Variants in NBAS observed in about 807,000 individuals in gnomAD.
NBAS encodes the protein NBAS subunit of NRZ tethering complex, also known as NAG/BC035112 fusion.
Under a neutral mutation model 302.5 loss-of-function variants are expected in NBAS, and 219 were observed. The observed-to-expected ratio is 0.72, with a 90% CI of 0.65 to 0.81. The LOEUF (loss-of-function observed/expected upper bound fraction) is 0.81, where lower values mean the gene tolerates loss of function less well. Among genes scored for constraint, NBAS ranks in the 30% least tolerant of loss-of-function variants. The pLI is 0.00. For synonymous variants in NBAS, 1,118 were observed against 1,021.6 expected (o/e 1.09, Z -1.80); for missense variants, 2,932 against 2,841.6 (o/e 1.03, Z -0.72).
In NBAS at chr2:15,179,267, G is replaced by T. The variant is rs1558413329; in HGVS notation, c.6712-151C>A. ...GTACCGCACTGGATATACTGAATAT[G>T]GGCGTTGGTACCTGCTTCACTTGGT... On this transcript the variant is annotated intron_variant, in intron 50 of 51. Transcript: ENST00000281513. 4.4e-6 allele frequency: 5 copies of T among 1,141,508 alleles called. No homozygotes were observed. In the East Asian group the frequency reaches 1.0e-4, roughly 24 times the overall value. 70.7% of individuals were successfully genotyped at this position (1,141,508 alleles called of 1,614,324 possible). A position where few individuals can be genotyped will look rare whatever the true frequency, so the allele number is the denominator to read the frequency against.
chr2:14,943,279 C>A, the NBAS span, among the ~76,000 whole-genome samples: 1 of 152,226 alleles, frequency 6.6e-6, no homozygotes, highest in South Asian at 2.1e-4. Flanking sequence ...CACTTTATCC[C>A]CTTAATTCCA....
the NBAS span, among the ~76,000 whole-genome samples, chr2:15,005,395 G>C: frequency 6.6e-6 from 1 of 152,192 alleles, no homozygotes; most frequent in Admixed American, 6.5e-5. Flanking sequence ...ATTTGGAAGA[G>C]CGATTCATTT....
intron 38 of NBAS, among the ~76,000 whole-genome samples, chr2:15,318,519 A>ATG (rs1558529852): frequency 2.0e-5 from 3 of 152,194 alleles, no homozygotes; most frequent in East Asian, 3.8e-4. Flanking sequence ...GTGTAGAGTC[A>ATG]TACATAGCCT....
the NBAS span, among the ~76,000 whole-genome samples, chr2:14,813,041 C>T: frequency 4.7e-4 from 72 of 152,268 alleles, no homozygotes; most frequent in African/African-American, 1.7e-3. Flanking sequence ...TGCCCTTCTG[C>T]CATGATTGTA....
At chr2:15,410,361 C>G (rs938497119) in intron 25 of NBAS, among the ~76,000 whole-genome samples, 2 of 152,096 alleles carry the variant, frequency 1.3e-5, no homozygotes, top group African/African-American at 4.8e-5. Context: ...TAACCGTTAG[C>G]AAGAATAAAC....
At chr2:15,207,542 G>A (rs951329634) in intron 48 of NBAS, among the ~76,000 whole-genome samples, 1 of 152,168 alleles carries the variant, frequency 6.6e-6, no homozygotes, top group Non-Finnish European at 1.5e-5. Context: ...GAATTATATG[G>A]TTTGGCTCTG....
chr2:14,995,987 CCCCATGTACTCCCCACCT>C, the NBAS span, among the ~76,000 whole-genome samples: 3 of 152,002 alleles, frequency 2.0e-5, no homozygotes, highest in Non-Finnish European at 4.4e-5. Flanking sequence ...CTTAGGTGCC[CCCCATGTACTCCCCACCT>C]CCAGCATCAC....
chr2:15,423,817 C>T (rs565387469), intron 23 of NBAS, among the ~76,000 whole-genome samples: 1 of 152,334 alleles, frequency 6.6e-6, no homozygotes, highest in African/African-American at 2.4e-5. Context: ...ATCGTCATCT[C>T]TCTCTTCCAG....
the NBAS span, among the ~76,000 whole-genome samples, chr2:14,935,315 A>T: frequency 1.6e-4 from 24 of 152,276 alleles, no homozygotes; most frequent in East Asian, 3.7e-3. Flanking sequence ...TTTTTATGTC[A>T]GCATCATTTT....
chr2:15,357,883 G>T (rs769758308), intron 32 of NBAS, among the ~76,000 whole-genome samples: 8 of 152,040 alleles, frequency 5.3e-5, no homozygotes, highest in Non-Finnish European at 1.2e-4. Context: ...CTATCTTGCT[G>T]GCAATATAAC....
At chr2:15,199,704 C>G (rs756658124) in intron 48 of NBAS, among the ~76,000 whole-genome samples, 2 of 151,790 alleles carry the variant, frequency 1.3e-5, no homozygotes, top group Admixed American at 1.3e-4. Context: ...ATTTACTGAC[C>G]TTTTTAAGAC....
intron 23 of NBAS, among the ~76,000 whole-genome samples, chr2:15,417,964 T>A (rs1369755235): frequency 3.9e-5 from 6 of 152,224 alleles, no homozygotes; most frequent in Non-Finnish European, 8.8e-5. Flanking sequence ...CTATTATAAA[T>A]TTGTAGAGCG....
intron 47 of NBAS, among the ~76,000 whole-genome samples, chr2:15,225,664 T>C (rs1004754770): frequency 3.3e-5 from 5 of 152,228 alleles, no homozygotes; most frequent in Non-Finnish European, 7.3e-5. Context: ...AGTAGCAATT[T>C]AAACAATCAA....
chr2:15,519,184 C>A (rs1357138759), intron 9 of NBAS, among the ~76,000 whole-genome samples: 1 of 152,146 alleles, frequency 6.6e-6, no homozygotes, highest in Non-Finnish European at 1.5e-5. Flanking sequence ...CTGCATATAA[C>A]CAATAAGGAA....
At chr2:15,423,463 T>C (rs1677307136) in intron 23 of NBAS, among the ~76,000 whole-genome samples, 1 of 152,174 alleles carries the variant, frequency 6.6e-6, no homozygotes, top group African/African-American at 2.4e-5. Flanking sequence ...ATAAACTAAG[T>C]AGAAATTCAT....
At chr2:14,826,397 T>C in the NBAS span, among the ~76,000 whole-genome samples, 2 of 152,258 alleles carry the variant, frequency 1.3e-5, no homozygotes, top group Non-Finnish European at 2.9e-5. Context: ...TGCACACACA[T>C]ACATAAGACA....
At chr2:15,060,681 TAG>T in the NBAS span, among the ~76,000 whole-genome samples, 1 of 152,046 alleles carries the variant, frequency 6.6e-6, no homozygotes, top group Non-Finnish European at 1.5e-5. Flanking sequence ...CTGAGGATCC[TAG>T]ATCTACTACT....
chr2:14,819,918 A>G, the NBAS span, among the ~76,000 whole-genome samples: 1 of 152,250 alleles, frequency 6.6e-6, no homozygotes, highest in African/African-American at 2.4e-5. Context: ...AAAGGTCCTC[A>G]ACATCATTGA....
intron 30 of NBAS, among the ~76,000 whole-genome samples, chr2:15,378,277 A>G (rs1226692283): frequency 6.6e-6 from 1 of 152,190 alleles, no homozygotes; most frequent in Non-Finnish European, 1.5e-5. Context: ...CAGGGTCTAG[A>G]AAGGGGATCT....
Sources: allele counts gnomAD v4.1 joint callset (sites outside exome capture counted in the v4.1 genomes callset), GRCh38; gene constraint gnomAD v4.1.1; transcripts MANE v1.5; gene names NCBI Gene and HGNC (gene_info 2026-07-23, HGNC 2026-07-21).